The following RFC2 variants were observed in gnomAD, a reference collection of about 807,000 sequenced individuals.
RFC2 encodes the protein A1 40 kDa subunit.
A neutral mutation model predicts 44.8 loss-of-function variants in RFC2; 34 were observed. The observed-to-expected ratio is 0.76, with a 90% CI of 0.58 to 1.01. The LOEUF (loss-of-function observed/expected upper bound fraction) is 1.01. RFC2 is among the 50% of genes least tolerant of loss of function. The probability of loss-of-function intolerance (pLI) is 0.00; values close to 1 mark genes in which losing one functional copy is unlikely to be tolerated. For synonymous variants in RFC2, 177 were observed against 168.9 expected (o/e 1.05, Z -0.37); for missense variants, 400 against 453.6 (o/e 0.88, Z 1.07).
chr7:74,232,605 G>A (rs1802793035), intron 10 of RFC2, among the ~76,000 whole-genome samples: 1 of 152,170 alleles, frequency 6.6e-6, no homozygotes, highest in Non-Finnish European at 1.5e-5. Context: ...GGTGGCTCAT[G>A]CCTGTAATCC....
intron 8 of RFC2, among the ~76,000 whole-genome samples, 191 bp from the exon 9 acceptor site, chr7:74,237,633 C>T (rs1024552717): frequency 9.2e-5 from 14 of 152,140 alleles, no homozygotes; most frequent in African/African-American, 3.4e-4. Context: ...CTTCCGGCAC[C>T]AGGAAGATAA....
At chr7:74,251,154 CTT>C (rs1295827344) in intron 2 of RFC2, among the ~76,000 whole-genome samples, 1 of 151,966 alleles carries the variant, frequency 6.6e-6, no homozygotes, top group Non-Finnish European at 1.5e-5. Flanking sequence ...AGCCCAAACT[CTT>C]TTTGTTTCTC....
chr7:74,236,889 G>A (rs1251772084), intron 9 of RFC2, among the ~76,000 whole-genome samples: 1 of 152,026 alleles, frequency 6.6e-6, no homozygotes, highest in Non-Finnish European at 1.5e-5. Context: ...AGCCTGAGAG[G>A]TAGAGGCTAC....
chr7:74,243,278 A>G, intron 5 of RFC2, 32 bp from the exon 6 acceptor site: 4 of 1,428,002 alleles, frequency 2.8e-6, no homozygotes, highest in Non-Finnish European at 4.0e-6. Context: ...TGCAAGTGGG[A>G]CCCAGAGACC....
chr7:74,242,985 G>C (rs1349693062), intron 6 of RFC2, among the ~76,000 whole-genome samples, 161 bp downstream of exon 6: 1 of 151,954 alleles, frequency 6.6e-6, no homozygotes, highest in Non-Finnish European at 1.5e-5. Flanking sequence ...CTGGGAGGCT[G>C]AGGCAGGAAG....
intron 6 of RFC2, among the ~76,000 whole-genome samples, chr7:74,240,666 A>G (rs1385062375): frequency 6.6e-6 from 1 of 152,190 alleles, no homozygotes; most frequent in Non-Finnish European, 1.5e-5. Context: ...CAGTAGAAAC[A>G]CATCCATGTG....
intron 6 of RFC2, among the ~76,000 whole-genome samples, chr7:74,240,307 G>C (rs993039058): frequency 3.3e-5 from 5 of 152,056 alleles, no homozygotes; most frequent in Admixed American, 6.6e-5. Flanking sequence ...TTTGAGACCA[G>C]CCTGGACAAC....
At chr7:74,252,621 A>C in intron 1 of RFC2, 123 bp from the exon 2 acceptor site, 1 of 692,290 alleles carries the variant, frequency 1.4e-6, no homozygotes, top group Admixed American at 2.1e-5. Context: ...ACTATGCCAA[A>C]TGGTTGCAAG....
At chr7:74,249,568 A>T (rs34200032) in intron 3 of RFC2, among the ~76,000 whole-genome samples, 171 bp downstream of exon 3, 18,228 of 151,208 alleles carry the variant, frequency 0.12, 1,123 homozygotes, top group African/African-American at 0.12. Context: ...AATAAATAAA[A>T]AAAAATACAG....
chr7:74,244,471 G>T (rs962489857), intron 5 of RFC2, among the ~76,000 whole-genome samples: 4 of 151,466 alleles, frequency 2.6e-5, no homozygotes, highest in Admixed American at 2.0e-4. Context: ...TCCTGCCTTG[G>T]ACTCCTTAGT....
At position 74,246,672 on chromosome 7, in the gene RFC2, C is replaced by A. The variant is rs782786536; in HGVS notation, c.424G>T (p.Glu142Ter). 6 of 1,605,670 alleles carry A rather than the reference C, an allele frequency of 3.7e-6. No individual in the cohort carries two copies. The highest frequency in any genetic ancestry group is 4.3e-6 in the Non-Finnish European group (5 of 1,173,800). Residue 142 changes from glutamate to a stop codon, truncating the protein, a stop_gained, in exon 5 of 11, where the codon GAA (glutamate) becomes TAA (stop). Coordinates refer to ENST00000055077, the MANE Select transcript of RFC2 (RefSeq NM_181471.3). LOFTEE classifies it high-confidence loss of function. ...GGCAAAGCACTCTACCTGTCTGCTT[C>A]ATCCAGAATGATGATCTTATGTCGG... ...KGRHKIIILDEADSMTDGAQQ... is the reference protein window; with the variant it reads ...KGRHKIIILD
At chr7:74,246,414 C>A (rs868956805) in intron 5 of RFC2, among the ~76,000 whole-genome samples, 9,682 of 144,080 alleles carry the variant, frequency 0.067, 1,038 homozygotes, top group African/African-American at 0.23. Flanking sequence ...AAAAAAAAAA[C>A]AAAAACCCTC....
intron 5 of RFC2, 47 bp from the exon 6 acceptor site, chr7:74,243,293 G>A (rs1403398335): frequency 2.3e-6 from 3 of 1,291,778 alleles, no homozygotes; most frequent in Non-Finnish European, 2.3e-6. Context: ...GAGACCATGT[G>A]ACACAAATCG....
At chr7:74,244,546 C>A (rs1563994387) in intron 5 of RFC2, among the ~76,000 whole-genome samples, 1 of 151,470 alleles carries the variant, frequency 6.6e-6, no homozygotes, top group Non-Finnish European at 1.5e-5. Flanking sequence ...AATTTTTATA[C>A]TTTTAGTAGA....
intron 9 of RFC2, 36 bp downstream of exon 9, chr7:74,237,326 C>A (rs370739926): frequency 4.9e-5 from 72 of 1,477,172 alleles, no homozygotes; most frequent in Non-Finnish European, 6.6e-5. Flanking sequence ...AAGAAGTGAG[C>A]GGTTCCTCTG....
intron 9 of RFC2, 88 bp downstream of exon 9, chr7:74,237,274 T>C (rs1270831760): frequency 1.2e-6 from 1 of 830,948 alleles, no homozygotes; most frequent in Non-Finnish European, 2.0e-6. Context: ...GTGATGTGTA[T>C]AATGTCCCTG....
intron 5 of RFC2, among the ~76,000 whole-genome samples, chr7:74,245,841 A>C (rs1290298646): frequency 6.6e-6 from 1 of 152,000 alleles, no homozygotes; most frequent in Non-Finnish European, 1.5e-5. Flanking sequence ...CGGGTAGATC[A>C]CCTGAAGTCA....
Position 74,237,420 on chromosome 7 carries a change from A to T in RFC2, c.782T>A (p.Leu261Gln). The T allele has an allele frequency of 1.3e-6, 2 of 1,599,056 alleles. No homozygotes were observed. Among genetic ancestry groups the T allele is most frequent in the Non-Finnish European group, 1.7e-6 (2 of 1,172,032 alleles). Residue 261 changes from leucine (L) to glutamine (Q), a missense_variant, in exon 9 of 11, where the codon CTG becomes CAG. Leu to Gln is a moderately radical substitution (Grantham distance 113). Transcript: ENST00000055077. ...VFKVCDEPHP[L>Q]LVKEMIQHCV... ...GTGCTGGATCATCTCCTTTACCAGC[A>T]GTGGGTGGGGCTCGTCACAGACCTG...
In RFC2 at chr7:74,238,333, G is replaced by A. The variant is rs1182513069; in HGVS notation, c.759+590C>T. On this transcript the variant is annotated intron_variant, in intron 8 of 10. Transcript: ENST00000055077. This position sits in a 1 kb window ranked among gnomAD's most constrained non-coding sequence, Gnocchi z 4.0. ...TGAATCTCTCAAATGGCATTTAGAC[G>A]CGGAGTTATCAGGATGCGGAAGCAG... Among the ~76,000 whole-genome samples the A allele has an allele frequency of 2.0e-5, 3 of 152,160 alleles. No homozygotes were observed. Among genetic ancestry groups the A allele is most frequent in the South Asian group, 2.1e-4 (1 of 4,824 alleles).
Sources: gnomAD v4.1 joint callset for allele counts (sites outside exome capture counted in the v4.1 genomes callset) on GRCh38, gnomAD v4.1.1 for gene constraint, Gnocchi (gnomAD v3.1) non-coding constraint, MANE v1.5 for transcripts, NCBI Gene and HGNC (gene_info 2026-07-23, HGNC 2026-07-21) for gene names.